The following PRLR variants were observed in gnomAD, a reference collection of about 807,000 sequenced individuals.
The protein encoded by PRLR is hPRL receptor.
PRLR carries 13 observed loss-of-function variants against 40.2 expected under a neutral mutation model. That is an observed-to-expected ratio of 0.32 (90% CI 0.21 to 0.51). The LOEUF is 0.51. Among genes scored for constraint, PRLR ranks in the 20% least tolerant of loss-of-function variants. The pLI is 0.97. For synonymous variants in PRLR, 269 were observed against 278.7 expected (o/e 0.97, Z 0.35); for missense variants, 656 against 747.3 (o/e 0.88, Z 1.42).
intron 9 of PRLR, 33 bp downstream of exon 9, chr5:35,068,183 G>A (rs781042962): frequency 6.5e-7 from 1 of 1,545,656 alleles, no homozygotes; most frequent in Admixed American, 1.7e-5. Flanking sequence ...AGAGCAGTGA[G>A]TCACACTCCA....
chr5:35,150,211 C>T (rs1774301428), intron 1 of PRLR, among the ~76,000 whole-genome samples: 1 of 152,160 alleles, frequency 6.6e-6, no homozygotes, highest in Non-Finnish European at 1.5e-5. Flanking sequence ...AGTATTCTTG[C>T]TTCAGTCTAT....
intron 1 of PRLR, among the ~76,000 whole-genome samples, chr5:35,148,124 A>T (rs1774237497): frequency 1.3e-5 from 2 of 152,182 alleles, no homozygotes; most frequent in South Asian, 4.1e-4. Context: ...AAGTTGGATA[A>T]TTTTGCAATC....
intron 1 of PRLR, among the ~76,000 whole-genome samples, chr5:35,127,849 A>G (rs895840377): frequency 6.6e-6 from 1 of 152,162 alleles, no homozygotes; most frequent in Admixed American, 6.5e-5. Flanking sequence ...GGGGCTGGGG[A>G]TCAGGAAGAA....
intron 1 of PRLR, among the ~76,000 whole-genome samples, chr5:35,218,695 C>T (rs980272298): frequency 4.6e-5 from 7 of 152,112 alleles, no homozygotes; most frequent in African/African-American, 7.2e-5. Flanking sequence ...AGGCTTATTT[C>T]GCTTCTACTA....
exon 9 of PRLR, chr5:35,049,011 T>C (rs1269836742): frequency 4.1e-6 from 2 of 484,006 alleles, no homozygotes; most frequent in Non-Finnish European, 7.9e-6. Flanking sequence ...TTACTCCAAA[T>C]GCCCATAGGA....
intron 1 of PRLR, among the ~76,000 whole-genome samples, chr5:35,145,572 T>G (rs889920458): frequency 1.3e-5 from 2 of 152,210 alleles, no homozygotes; most frequent in East Asian, 3.9e-4. Flanking sequence ...TGGCTTTCTC[T>G]ATGCTTTTGC....
chr5:35,109,918 A>G (rs1479153538), intron 2 of PRLR, among the ~76,000 whole-genome samples: 1 of 152,182 alleles, frequency 6.6e-6, no homozygotes, highest in South Asian at 2.1e-4. Flanking sequence ...ACATGCACAC[A>G]TATGTTTATT....
rs1239606906 is a variant in PRLR, at chr5:35,120,267, CA to C, written c.-105-2146del. On this transcript the variant is annotated intron_variant, in intron 1 of 9. Transcript: ENST00000618457. ...GACTCCAGCTATCACTGGGCCCTGG[CA>C]AAATTCTTCCCTCTCCACTCTTCTT... is the stretch of plus-strand genomic sequence containing the variant. 3.3e-5 allele frequency among the ~76,000 whole-genome samples: 5 copies of C among 152,146 alleles called. No individual in the cohort carries two copies. The East Asian group carries it at 9.6e-4, about 29-fold the overall frequency.
chr5:35,050,140 C>G (rs1456206811), intron 8 of PRLR, among the ~76,000 whole-genome samples: 4 of 152,236 alleles, frequency 2.6e-5, no homozygotes, highest in Admixed American at 2.0e-4. Flanking sequence ...CTCAGGTGAT[C>G]CGCCCGCCTT....
intron 1 of PRLR, among the ~76,000 whole-genome samples, chr5:35,201,166 A>G (rs1775874401): frequency 6.6e-6 from 1 of 152,210 alleles, no homozygotes; most frequent in African/African-American, 2.4e-5. Context: ...GCAATAATGC[A>G]TGCAGAGTTG....
intron 1 of PRLR, among the ~76,000 whole-genome samples, chr5:35,196,513 T>C (rs1775740966): frequency 6.6e-6 from 1 of 152,156 alleles, no homozygotes; most frequent in African/African-American, 2.4e-5. Context: ...GCCAGGGGAT[T>C]AGGAGGAAAA....
At chr5:35,186,795 G>T (rs898864611) in intron 1 of PRLR, among the ~76,000 whole-genome samples, 8 of 152,132 alleles carry the variant, frequency 5.3e-5, no homozygotes, top group Admixed American at 6.5e-5. Flanking sequence ...AAATCTATTT[G>T]ATTCACTGAA....
chr5:35,184,252 G>A (rs1337886691), intron 1 of PRLR, among the ~76,000 whole-genome samples: 2 of 152,162 alleles, frequency 1.3e-5, no homozygotes, highest in East Asian at 1.9e-4. Flanking sequence ...GGTGGCTCAC[G>A]TCTGTAATCC....
chr5:35,155,564 G>A (rs748270444), intron 1 of PRLR, among the ~76,000 whole-genome samples: 33 of 152,236 alleles, frequency 2.2e-4, no homozygotes, highest in Non-Finnish European at 4.1e-4. Flanking sequence ...CAAAACTTCT[G>A]TTTAAAATGG....
intron 9 of PRLR, among the ~76,000 whole-genome samples, chr5:35,067,833 A>C (rs1389300903): frequency 6.6e-6 from 1 of 152,200 alleles, no homozygotes; most frequent in East Asian, 1.9e-4. Context: ...AGAACATTCA[A>C]GTAGAAGCTT....
intron 1 of PRLR, among the ~76,000 whole-genome samples, chr5:35,200,618 T>C (rs1260339002): frequency 6.6e-6 from 1 of 152,164 alleles, no homozygotes; most frequent in Non-Finnish European, 1.5e-5. Flanking sequence ...AGTATGGGAT[T>C]GAAGGAAGAG....
intron 2 of PRLR, among the ~76,000 whole-genome samples, chr5:35,091,186 C>T (rs563571892): frequency 6.6e-5 from 10 of 152,136 alleles, no homozygotes; most frequent in Admixed American, 2.0e-4. Context: ...TGAGGTGACC[C>T]GTATTTTGTT....
At chr5:35,125,394 G>T (rs935814046) in intron 1 of PRLR, among the ~76,000 whole-genome samples, 3 of 152,162 alleles carry the variant, frequency 2.0e-5, no homozygotes, top group African/African-American at 7.2e-5. Flanking sequence ...ATGGTGAGGG[G>T]CATTTACAAG....
At position 35,188,126 on chromosome 5, in the gene PRLR, C is replaced by T. The variant is rs145372725; in HGVS notation, c.-106+42142G>A. On this transcript the variant is annotated intron_variant, in intron 1 of 9. Coordinates refer to ENST00000618457, the MANE Select transcript of PRLR (RefSeq NM_000949.7). ...GTCACCTGGGGCAGCCACCCAGCTC[C>T]GTCAGGAACTTGCTAGGAAGAAACT... Among the ~76,000 whole-genome samples the T allele has an allele frequency of 6.4e-3, 980 of 152,258 alleles. 10 individuals are homozygous for T. Among genetic ancestry groups the T allele is most frequent in the African/African-American group, 0.022 (925 of 41,550 alleles).
Sources: gnomAD v4.1 joint callset for allele counts (sites outside exome capture counted in the v4.1 genomes callset) on GRCh38, gnomAD v4.1.1 for gene constraint, MANE v1.5 for transcripts, NCBI Gene and HGNC (gene_info 2026-07-23, HGNC 2026-07-21) for gene names.